CPAMD8: variants seen among roughly 807,000 people sequenced by gnomAD.
The protein encoded by CPAMD8 is C3 and PZP like alpha-2-macroglobulin domain containing 8.
CPAMD8 carries 146 observed loss-of-function variants against 224.7 expected under a neutral mutation model. The observed-to-expected ratio is 0.65, with a 90% CI of 0.57 to 0.75. The LOEUF is 0.75. Ranked by LOEUF, CPAMD8 falls within the 30% of genes least tolerant of loss-of-function variation. The pLI is 0.00. For missense variants in CPAMD8, 2,301 were observed against 2,537.5 expected (o/e 0.91, Z 2.00); for synonymous variants, 966 against 1,044.6 (o/e 0.92, Z 1.45).
chr19:16,923,082 C>T (rs753855996), intron 26 of CPAMD8, among the ~76,000 whole-genome samples: 1 of 152,198 alleles, frequency 6.6e-6, no homozygotes, highest in Non-Finnish European at 1.5e-5. Flanking sequence ...TTGGGAAGCT[C>T]AGAGAACTGG....
At chr19:16,909,955 G>T (rs945658191) in intron 29 of CPAMD8, among the ~76,000 whole-genome samples, 1 of 151,544 alleles carries the variant, frequency 6.6e-6, no homozygotes, top group African/African-American at 2.4e-5. Flanking sequence ...AGGTTCAAGC[G>T]ATTCTCCTGC....
chr19:16,981,336 G>A (rs942687725), intron 13 of CPAMD8, among the ~76,000 whole-genome samples: 1 of 152,046 alleles, frequency 6.6e-6, no homozygotes, highest in African/African-American at 2.4e-5. Context: ...ACTCCAGCCT[G>A]GGTAACAGAG....
At chr19:16,909,499 G>A (rs941832500) in intron 29 of CPAMD8, among the ~76,000 whole-genome samples, 88 of 152,140 alleles carry the variant, frequency 5.8e-4, no homozygotes, top group African/African-American at 2.0e-3. Context: ...AGCCGAGATC[G>A]CGCCACTGTA....
chr19:17,016,357 T>G (rs2056811797), intron 3 of CPAMD8, among the ~76,000 whole-genome samples: 1 of 152,200 alleles, frequency 6.6e-6, no homozygotes, highest in Admixed American at 6.5e-5. Flanking sequence ...TAGTCTCTCT[T>G]ACAAATTCCC....
At chr19:17,012,062 C>A (rs1259955515) in intron 3 of CPAMD8, among the ~76,000 whole-genome samples, 2 of 151,708 alleles carry the variant, frequency 1.3e-5, no homozygotes, top group Non-Finnish European at 2.9e-5. Context: ...CTCTGTCGCC[C>A]AGGCTGGAGT....
intron 13 of CPAMD8, among the ~76,000 whole-genome samples, chr19:16,984,272 C>T (rs1438008440): frequency 7.1e-6 from 1 of 141,364 alleles, no homozygotes; most frequent in East Asian, 2.1e-4. Context: ...TATGATCACA[C>T]TACTGCACCT....
At chr19:16,966,796 C>G (rs1599800336) in intron 18 of CPAMD8, among the ~76,000 whole-genome samples, 1 of 152,202 alleles carries the variant, frequency 6.6e-6, no homozygotes, top group South Asian at 2.1e-4. Flanking sequence ...GAGATACCAT[C>G]TCATGCCAAT....
At chr19:16,914,891 C>T (rs2052887190) in intron 27 of CPAMD8, 78 bp from the exon 28 acceptor site, 5 of 1,027,850 alleles carry the variant, frequency 4.9e-6, no homozygotes, top group South Asian at 3.2e-5. Flanking sequence ...TTGCAGCAAG[C>T]TCCTGGCACC....
chr19:16,987,179 A>AAAAATATATAT (rs1555784836), intron 13 of CPAMD8, among the ~76,000 whole-genome samples: 8 of 53,920 alleles, frequency 1.5e-4, no homozygotes, highest in African/African-American at 4.2e-4. Flanking sequence ...AAAAAAAAAA[A>AAAAATATATAT]ATATATATAT....
chr19:16,949,702 G>C (rs1286880684), intron 20 of CPAMD8, among the ~76,000 whole-genome samples: 2 of 152,158 alleles, frequency 1.3e-5, no homozygotes, highest in African/African-American at 2.4e-5. Context: ...CTATGTCTGA[G>C]GCAGGACCCA....
At chr19:17,018,717 TACACACACACACACACAC>T (rs367984655) in intron 3 of CPAMD8, among the ~76,000 whole-genome samples, 1 of 136,732 alleles carries the variant, frequency 7.3e-6, no homozygotes, top group East Asian at 2.2e-4. Flanking sequence ...CTACTAAAAA[TACACACACACACACACAC>T]ACACACACAC....
intron 7 of CPAMD8, among the ~76,000 whole-genome samples, chr19:17,006,004 G>A (rs2123087171): frequency 6.6e-6 from 1 of 151,698 alleles, no homozygotes; most frequent in Middle Eastern, 3.4e-3. Context: ...TTGCTCTTTT[G>A]CCCAGGCTGG....
intron 21 of CPAMD8, among the ~76,000 whole-genome samples, chr19:16,946,292 C>A (rs1218378354): frequency 7.1e-6 from 1 of 141,832 alleles, no homozygotes; most frequent in Non-Finnish European, 1.5e-5. Context: ...GTGTGTGATG[C>A]ATGTCTACAC....
intron 18 of CPAMD8, among the ~76,000 whole-genome samples, chr19:16,967,765 C>T (rs539648899): frequency 1.4e-4 from 21 of 145,840 alleles, no homozygotes; most frequent in South Asian, 9.0e-4. Flanking sequence ...GCCAAGATGG[C>T]GCCACTACAC....
At chr19:17,014,628 G>A (rs924850823) in intron 3 of CPAMD8, among the ~76,000 whole-genome samples, 5 of 152,242 alleles carry the variant, frequency 3.3e-5, no homozygotes, top group Non-Finnish European at 5.9e-5. Context: ...AAGAGAGAAT[G>A]AGAGCCAAGC....
At chr19:17,015,747 G>A (rs1327046878) in intron 3 of CPAMD8, among the ~76,000 whole-genome samples, 1 of 152,198 alleles carries the variant, frequency 6.6e-6, no homozygotes, top group African/African-American at 2.4e-5. Flanking sequence ...GGCCACCCAA[G>A]AGCAGGGCAA....
Position 16,947,312 on chromosome 19 carries a change from A to T in CPAMD8, c.2509-85T>A. ...AGGCCCAACACACATCCCACCACTC[A>T]CTGCACACACCAGACTTGTCAGCCT... is the stretch of plus-strand genomic sequence containing the variant. On this transcript the variant is annotated intron_variant, in intron 20 of 41. Transcript: ENST00000443236. The T allele has an allele frequency of 1.4e-6, 2 of 1,474,760 alleles. 1 individual carries two copies. Among genetic ancestry groups the T allele is most frequent in the Middle Eastern group, 3.7e-4 (2 of 5,378 alleles). The allele number at this position is 1,474,760 out of a possible 1,614,324, so 91.4% of individuals were successfully genotyped here. A position where few individuals can be genotyped will look rare whatever the true frequency, so the allele number is the denominator to read the frequency against.
chr19:16,896,082 G>T, intron 41 of CPAMD8, 94 bp downstream of exon 41: 1 of 1,422,432 alleles, frequency 7.0e-7, no homozygotes, highest in Non-Finnish European at 9.9e-7. Context: ...GGGCGGAGGA[G>T]TCGGGGCAGG....
chr19:16,914,618 G>A (rs375233575), intron 28 of CPAMD8, 39 bp downstream of exon 28: 13 of 1,613,486 alleles, frequency 8.1e-6, no homozygotes, highest in Non-Finnish European at 1.1e-5. Context: ...TCTGGGAGGA[G>A]GTGAGGGGCC....
Sources: gnomAD v4.1 joint callset for allele counts (sites outside exome capture counted in the v4.1 genomes callset) on GRCh38, gnomAD v4.1.1 for gene constraint, MANE v1.5 for transcripts, NCBI Gene and HGNC (gene_info 2026-07-23, HGNC 2026-07-21) for gene names.